Variants in TBL1XR1 observed in about 807,000 individuals in gnomAD.
TBL1XR1 encodes F-box-like/WD repeat-containing protein TBL1XR1.
In TBL1XR1, 5 loss-of-function variants were observed where a neutral mutation model predicts 66.9. The observed-to-expected ratio is 0.07, with a 90% CI of 0.04 to 0.16. The LOEUF is 0.16. Among genes scored for constraint, TBL1XR1 ranks in the 10% least tolerant of loss-of-function variants. The pLI, the probability that TBL1XR1 is intolerant of heterozygous loss-of-function variation, is 1.00. For synonymous variants in TBL1XR1, 210 were observed against 206.0 expected, an observed-to-expected ratio of 1.02 and a Z score of -0.17; for missense variants, 238 against 623.2, an observed-to-expected ratio of 0.38 and a Z score of 6.58.
intron 1 of TBL1XR1, among the ~76,000 whole-genome samples, chr3:177,161,553 C>T (rs1732211888): frequency 1.3e-5 from 2 of 151,902 alleles, no homozygotes; most frequent in South Asian, 2.1e-4. Flanking sequence ...GAGGCTGAAG[C>T]GGGTGGATCA....
chr3:177,189,602 C>T (rs895965062), intron 1 of TBL1XR1, among the ~76,000 whole-genome samples: 1 of 142,132 alleles, frequency 7.0e-6, no homozygotes, highest in African/African-American at 2.7e-5. Context: ...TTGCAGTGAG[C>T]GGAGATCACA....
At chr3:177,026,024 TG>T in intron 15 of TBL1XR1, 1 of 298,092 alleles carries the variant, frequency 3.4e-6, no homozygotes, top group Non-Finnish European at 6.1e-6. Flanking sequence ...CTGCCTTCCC[TG>T]GGCCAAAAAA....
At chr3:177,059,165 T>G (rs1479311075) in intron 3 of TBL1XR1, among the ~76,000 whole-genome samples, 1 of 152,210 alleles carries the variant, frequency 6.6e-6, no homozygotes, top group Non-Finnish European at 1.5e-5. Context: ...TCTTCATGAC[T>G]AGAAGCACAT....
At chr3:177,195,506 G>A (rs1297574384) in intron 1 of TBL1XR1, 2 of 75,398 alleles carry the variant, frequency 2.7e-5, no homozygotes, top group African/African-American at 6.8e-5. Flanking sequence ...ATGTAGCATG[G>A]GTCTTATTTT....
chr3:177,130,856 T>C (rs978727618), intron 1 of TBL1XR1, among the ~76,000 whole-genome samples: 2 of 152,050 alleles, frequency 1.3e-5, no homozygotes, highest in Non-Finnish European at 2.9e-5. Flanking sequence ...TTAGAGGTAC[T>C]GTGAAATTGG....
At chr3:177,128,958 T>TC (rs1489840550) in intron 1 of TBL1XR1, among the ~76,000 whole-genome samples, 2 of 152,134 alleles carry the variant, frequency 1.3e-5, no homozygotes, top group African/African-American at 4.8e-5. Flanking sequence ...CGCAACACTC[T>TC]CCCCATCAGC....
chr3:177,151,787 G>A (rs2108854835), intron 1 of TBL1XR1, among the ~76,000 whole-genome samples: 1 of 152,284 alleles, frequency 6.6e-6, no homozygotes, highest in Non-Finnish European at 1.5e-5. Flanking sequence ...TGTAATCCCA[G>A]CCCAAGGCAG....
chr3:177,034,838 G>C (rs1307819865), intron 12 of TBL1XR1, among the ~76,000 whole-genome samples: 1 of 151,610 alleles, frequency 6.6e-6, no homozygotes, highest in Non-Finnish European at 1.5e-5. Flanking sequence ...TCAAAGTAGA[G>C]AATAAGCCTT....
chr3:177,176,855 C>A (rs1734218578), intron 1 of TBL1XR1, among the ~76,000 whole-genome samples: 1 of 152,102 alleles, frequency 6.6e-6, no homozygotes, highest in Non-Finnish European at 1.5e-5. Context: ...TGGGGCACGT[C>A]TGTAGTCCCA....
chr3:177,026,270 A>C (rs961272870), intron 15 of TBL1XR1, 103 bp downstream of exon 15: 6 of 932,090 alleles, frequency 6.4e-6, no homozygotes, highest in Non-Finnish European at 9.7e-6. Flanking sequence ...ATCATACCTT[A>C]AAATTTATTT....
intron 7 of TBL1XR1, chr3:177,047,764 G>T: frequency 1.9e-6 from 1 of 531,930 alleles, no homozygotes; most frequent in Non-Finnish European, 3.4e-6. Flanking sequence ...TATATCCAAA[G>T]TTCAACAACT....
intron 1 of TBL1XR1, among the ~76,000 whole-genome samples, chr3:177,193,176 T>C (rs1409280787): frequency 6.6e-6 from 1 of 151,496 alleles, no homozygotes; most frequent in Non-Finnish European, 1.5e-5. Context: ...AAAATAAAAT[T>C]TTAAAAAATA....
At chr3:177,071,553 G>A (rs1472244043) in intron 2 of TBL1XR1, among the ~76,000 whole-genome samples, 3 of 152,058 alleles carry the variant, frequency 2.0e-5, no homozygotes, top group African/African-American at 7.2e-5. Flanking sequence ...GATTGTTCAG[G>A]AAGCAGAAAT....
upstream of TBL1XR1, among the ~76,000 whole-genome samples, chr3:177,200,332 G>A (rs1375930192): frequency 6.6e-6 from 1 of 152,188 alleles, no homozygotes; most frequent in African/African-American, 2.4e-5. Context: ...GAAAGGCCTT[G>A]ATTCTTCCAG....
At chr3:177,118,254 A>G (rs897752525) in intron 1 of TBL1XR1, among the ~76,000 whole-genome samples, 1 of 152,178 alleles carries the variant, frequency 6.6e-6, no homozygotes, top group Non-Finnish European at 1.5e-5. Context: ...GAGTTCTTGA[A>G]CATTCATTCA....
intron 13 of TBL1XR1, 35 bp downstream of exon 13, chr3:177,034,163 G>T: frequency 1.3e-6 from 2 of 1,573,590 alleles, no homozygotes; most frequent in Non-Finnish European, 1.7e-6. Context: ...ATTTGTAGAA[G>T]ACTCATAAAA....
chr3:177,046,213 A>G, intron 9 of TBL1XR1, 24 bp from the exon 10 acceptor site: 1 of 1,519,418 alleles, frequency 6.6e-7, no homozygotes, highest in Non-Finnish European at 8.8e-7. Context: ...GAAAAGAAAA[A>G]TAAACTCATG....
At chr3:177,058,005 T>C (rs1336913184) in intron 3 of TBL1XR1, among the ~76,000 whole-genome samples, 1 of 152,182 alleles carries the variant, frequency 6.6e-6, no homozygotes, top group Non-Finnish European at 1.5e-5. Context: ...TGTTAGGGAC[T>C]GTGTTCTCAA....
chr3:177,098,453 T>C lies in TBL1XR1; in HGVS notation c.-46+13A>G, dbSNP rs545251664. ...AATAAGAAACACTGACATTGGGAGT[T>C]GGAGAGTCTTACCATTGGCAGTGCA... is the stretch of plus-strand genomic sequence containing the variant. On this transcript the variant is annotated intron_variant, in intron 2 of 15. Coordinates refer to ENST00000457928, the MANE Select transcript of TBL1XR1 (RefSeq NM_024665.7). The C allele has an allele frequency of 1.5e-5, 15 of 983,952 alleles. No homozygotes were observed. The South Asian group carries it at 5.7e-4, about 37-fold the overall frequency. The allele number at this position is 983,952 out of a possible 1,614,324, so 61.0% of individuals were successfully genotyped here. A position where few individuals can be genotyped will look rare whatever the true frequency, so the allele number is the denominator to read the frequency against.
Sources: gnomAD v4.1 joint callset for allele counts (sites outside exome capture counted in the v4.1 genomes callset) on GRCh38, gnomAD v4.1.1 for gene constraint, MANE v1.5 for transcripts, NCBI Gene and HGNC (gene_info 2026-07-23, HGNC 2026-07-21) for gene names.